Variants in PARPBP observed in about 807,000 individuals in gnomAD.
PARPBP encodes the protein PCNA-interacting partner.
In PARPBP, 52 loss-of-function variants were observed where a neutral mutation model predicts 50.0. That is an observed-to-expected ratio of 1.04 (90% confidence interval 0.83 to 1.31). The LOEUF is 1.31. Ranked by LOEUF, PARPBP falls within the 50% of genes most tolerant of loss-of-function variation. The probability of loss-of-function intolerance (pLI) is 0.00; values close to 1 mark genes in which losing one functional copy is unlikely to be tolerated. For synonymous variants in PARPBP, 244 were observed against 232.1 expected (o/e 1.05, Z -0.47); for missense variants, 697 against 672.0 (o/e 1.04, Z -0.41).
rs1260805599 is a variant in PARPBP at position 102,197,054 on chromosome 12, T to C, written c.*763T>C. On this transcript the variant is annotated 3_prime_UTR_variant, in exon 11 of 11. Coordinates refer to ENST00000327680, the MANE Select transcript of PARPBP (RefSeq NM_017915.5). ...TCTCTCTTTTCTTGTGTTGATTCAG[T>C]ATTCTGAACTCCATTCTCAGCTGGG... 6.2e-7 allele frequency: 1 copy of C among 1,612,008 alleles called. No individual in the cohort carries two copies.
intron 6 of PARPBP, among the ~76,000 whole-genome samples, chr12:102,168,498 ATTTG>A (rs1013938932): frequency 3.9e-5 from 6 of 152,050 alleles, no homozygotes; most frequent in African/African-American, 1.4e-4. Flanking sequence ...TTTTGTGTTG[ATTTG>A]TTTGTTTATT....
intron 3 of PARPBP, among the ~76,000 whole-genome samples, chr12:102,151,373 A>G (rs960665581): frequency 2.0e-5 from 3 of 152,202 alleles, no homozygotes; most frequent in African/African-American, 7.2e-5. Flanking sequence ...AGCTGAAGGC[A>G]TAGGTTTTTG....
At chr12:102,151,508 G>A in intron 3 of PARPBP, 1 of 1,133,980 alleles carries the variant, frequency 8.8e-7, no homozygotes, top group South Asian at 1.4e-5. Context: ...CAGTGAATGG[G>A]GTCCTTTGGG....
chr12:102,154,251 TC>T (rs1886590842), intron 4 of PARPBP, among the ~76,000 whole-genome samples: 1 of 152,158 alleles, frequency 6.6e-6, no homozygotes, highest in Non-Finnish European at 1.5e-5. Flanking sequence ...TTGTCAGAGT[TC>T]TTTGACTCTC....
At chr12:102,149,108 CA>C (rs1228874345) in intron 3 of PARPBP, 2 of 151,864 alleles carry the variant, frequency 1.3e-5, no homozygotes, top group African/African-American at 4.8e-5. Flanking sequence ...GTTATTTGAA[CA>C]TTTACTGAGT....
intron 3 of PARPBP, among the ~76,000 whole-genome samples, chr12:102,150,767 CT>C: frequency 6.6e-6 from 1 of 152,208 alleles, no homozygotes; most frequent in Middle Eastern, 3.2e-3. Context: ...AGAGCTTAGC[CT>C]CAGAGATCTG....
At chr12:102,190,393 A>G (rs911039235) in intron 9 of PARPBP, among the ~76,000 whole-genome samples, 1 of 152,162 alleles carries the variant, frequency 6.6e-6, no homozygotes, top group Non-Finnish European at 1.5e-5. Flanking sequence ...CCTGCCCTAA[A>G]GGACAAGGCT....
chr12:102,141,597 T>G (rs1039210262), intron 2 of PARPBP, among the ~76,000 whole-genome samples: 10 of 152,212 alleles, frequency 6.6e-5, no homozygotes, highest in Non-Finnish European at 1.5e-4. Flanking sequence ...TCTTTAAAAT[T>G]TGGCATGTTT....
At chr12:102,143,341 A>G (rs1884913799) in intron 2 of PARPBP, among the ~76,000 whole-genome samples, 1 of 152,202 alleles carries the variant, frequency 6.6e-6, no homozygotes. Context: ...GGAAAAGCAC[A>G]GTATTAGGGT....
chr12:102,121,915 C>T (rs114257847), intron 1 of PARPBP, among the ~76,000 whole-genome samples: 131 of 152,218 alleles, frequency 8.6e-4, no homozygotes, highest in African/African-American at 3.1e-3. Context: ...TTATACATGC[C>T]AGGCACTGTT....
chr12:102,148,045 C>A lies in PARPBP; in HGVS notation c.154-185C>A, dbSNP rs369898124. Among the ~76,000 whole-genome samples the A allele has an allele frequency of 8.5e-4, 129 of 152,042 alleles. 1 individual carries two copies. The highest frequency in any genetic ancestry group is 3.0e-3 in the African/African-American group (124 of 41,462). On this transcript the variant is annotated intron_variant, in intron 2 of 10. Coordinates refer to ENST00000327680, the MANE Select transcript of PARPBP (RefSeq NM_017915.5). The stretch of plus-strand genomic sequence containing the variant: ...TCATATTTTATAAAATCATGAAAAC[C>A]TTTTTCTTTTATATCTGGTTTCCAA...
intron 3 of PARPBP, chr12:102,150,430 C>T (rs1231137552): frequency 3.0e-6 from 1 of 336,250 alleles, no homozygotes; most frequent in African/African-American, 2.2e-5. Context: ...TTTCATAATC[C>T]TGATAAAGTT....
At chr12:102,180,921 G>A (rs184009197) in intron 8 of PARPBP, among the ~76,000 whole-genome samples, 4 of 152,248 alleles carry the variant, frequency 2.6e-5, no homozygotes, top group Admixed American at 2.0e-4. Context: ...TCTTAGGGCA[G>A]GCAATCTTTT....
In PARPBP at chr12:102,195,350, T is replaced by G; in HGVS notation, c.1302T>G (p.Thr434=). ...TAATTAGATCCCAATTTGCTTGTACTTATAAAGATGACTACATGATAAGCA... is the reference window on the plus strand; with the variant it reads ...TAATTAGATCCCAATTTGCTTGTACGTATAAAGATGACTACATGATAAGCA... ...QTLIRSQFAC[T]YKDDYMISKD... The change falls in exon 10 of 11, where the codon ACT becomes ACG. Residue 434 remains threonine, a synonymous_variant. Transcript: ENST00000327680. 1 of 1,583,632 alleles carries G rather than the reference T, an allele frequency of 6.3e-7. No individual in the cohort carries two copies. Among genetic ancestry groups the G allele is most frequent in the Non-Finnish European group, 8.6e-7 (1 of 1,157,896 alleles).
chr12:102,151,440 A>C, intron 3 of PARPBP: 1 of 641,660 alleles, frequency 1.6e-6, no homozygotes, highest in South Asian at 2.0e-5. Flanking sequence ...AAAATGTAGC[A>C]CCTCTGCAGA....
At chr12:102,194,278 C>T (rs1942922361) in intron 9 of PARPBP, among the ~76,000 whole-genome samples, 1 of 151,872 alleles carries the variant, frequency 6.6e-6, no homozygotes, top group Admixed American at 6.6e-5. Flanking sequence ...AAGTAATAAT[C>T]AGGGTAATGT....
chr12:102,120,504 G>C (rs1255995575), intron 1 of PARPBP: 1 of 456,564 alleles, frequency 2.2e-6, no homozygotes, highest in Admixed American at 2.3e-5. Context: ...AGGTCCTGAG[G>C]GTTCGTCTGC....
At chr12:102,128,452 C>T (rs1382649511) in intron 2 of PARPBP, among the ~76,000 whole-genome samples, 2 of 152,138 alleles carry the variant, frequency 1.3e-5, no homozygotes, top group Non-Finnish European at 1.5e-5. Context: ...AGGATGGTCT[C>T]GATTTCCTGA....
At chr12:102,184,924 C>T (rs1273908241) in intron 9 of PARPBP, among the ~76,000 whole-genome samples, 1 of 142,014 alleles carries the variant, frequency 7.0e-6, no homozygotes, top group Non-Finnish European at 1.6e-5. Context: ...GGTTTTTAGT[C>T]ACAGAAATAA....
Sources: allele counts gnomAD v4.1 joint callset (sites outside exome capture counted in the v4.1 genomes callset), GRCh38; gene constraint gnomAD v4.1.1; transcripts MANE v1.5; gene names NCBI Gene and HGNC (gene_info 2026-07-23, HGNC 2026-07-21).